KCP: variants seen among roughly 807,000 people sequenced by gnomAD.
KCP encodes the protein kielin/chordin-like protein.
A neutral mutation model predicts 212.7 loss-of-function variants in KCP; 194 were observed. That is an observed-to-expected ratio of 0.91 (90% CI 0.81 to 1.03). KCP has a LOEUF of 1.03. Ranked by LOEUF, KCP falls within the 50% of genes least tolerant of loss-of-function variation. KCP has a pLI of 0.00. For synonymous variants in KCP, 833 were observed against 865.3 expected (o/e 0.96, Z 0.65); for missense variants, 2,080 against 2,162.5 (o/e 0.96, Z 0.76).
chr7:128,893,781 C>T (rs762558463), intron 11 of KCP, 25 bp downstream of exon 11: 36 of 1,545,830 alleles, frequency 2.3e-5, no homozygotes, highest in South Asian at 2.1e-4. Flanking sequence ...CTGCCCCTCC[C>T]GCAGAGACCC....
intron 14 of KCP, 35 bp from the exon 15 acceptor site, chr7:128,892,829 A>G (rs1359689367): frequency 6.4e-7 from 1 of 1,551,408 alleles, no homozygotes; most frequent in Non-Finnish European, 8.7e-7. Context: ...TGAGCTGGGT[A>G]ATGCAGGGGA....
At chr7:128,903,863 G>A (rs1457601183) in intron 6 of KCP, 43 bp from the exon 7 acceptor site, 11 of 660,580 alleles carry the variant, frequency 1.7e-5, no homozygotes, top group East Asian at 4.5e-5. Flanking sequence ...TCTGGCTCCC[G>A]CAGAGGGCTG....
At chr7:128,888,615 C>A (rs887538945) in intron 22 of KCP, among the ~76,000 whole-genome samples, 1 of 142,426 alleles carries the variant, frequency 7.0e-6, no homozygotes, top group Admixed American at 7.0e-5. Context: ...CACAGCCAGA[C>A]ACACACACAC....
chr7:128,887,311 G>A lies in KCP; in HGVS notation c.2513-11C>T, dbSNP rs113766394. The A allele has an allele frequency of 6.2e-3, 9,584 of 1,549,226 alleles. 161 individuals carry two copies. Among genetic ancestry groups the A allele is most frequent in the African/African-American group, 0.055 (3,981 of 73,018 alleles). On this transcript the variant is annotated splice_polypyrimidine_tract_variant and intron_variant, in intron 22 of 39. Coordinates refer to ENST00000610776, the MANE Select transcript of KCP (RefSeq NM_001366122.1). ...CATGGTAGCGGCATCCTGGCAGAGCGGGGAGTCCAACAGAAGAGCTGCCAT... is the reference window on the plus strand; with the variant it reads ...CATGGTAGCGGCATCCTGGCAGAGCAGGGAGTCCAACAGAAGAGCTGCCAT...
At position 128,902,689 on chromosome 7, in the gene KCP, C is replaced by G. The variant is rs1419748445; in HGVS notation, c.831+88G>C. On this transcript the variant is annotated intron_variant, in intron 8 of 39. Coordinates refer to ENST00000610776, the MANE Select transcript of KCP (RefSeq NM_001366122.1). ...TCCACTGGGTCCCCTCTCAACACCT[C>G]TGCGAAGTACTCCATAGAATGAGCA... The G allele has an allele frequency of 7.2e-6, 9 of 1,246,160 alleles. No individual in the cohort carries two copies. The East Asian group carries it at 2.3e-4, about 32-fold the overall frequency. The allele number at this position is 1,246,160 out of a possible 1,614,324, so 77.2% of individuals were successfully genotyped here. A position where few individuals can be genotyped will look rare whatever the true frequency, so the allele number is the denominator to read the frequency against.
Position 128,882,029 on chromosome 7 carries a change from G to T in KCP, c.3245-13C>A. 6.5e-7 allele frequency: 1 copy of T among 1,547,346 alleles called. No individual in the cohort carries two copies. Among genetic ancestry groups the T allele is most frequent in the Non-Finnish European group, 8.7e-7 (1 of 1,143,592 alleles). On this transcript the variant is annotated splice_polypyrimidine_tract_variant and intron_variant, in intron 29 of 39. Transcript: ENST00000610776. ...TTACTCAAGGCCTCTGTGAAGACAA[G>T]AATCCAGAGTGCGGGACAGAAAGAG...
Position 128,910,597 on chromosome 7 carries a change from T to C in KCP, c.76+4A>G. ...GACCCCAAGCCTCCCGCACCTGGAC[T>C]CACCTTCCGCGCCCGCGGCCAGCGC... On this transcript the variant is annotated splice_donor_region_variant and intron_variant, in intron 1 of 39. Coordinates refer to ENST00000610776, the MANE Select transcript of KCP (RefSeq NM_001366122.1). 6.6e-7 allele frequency: 1 copy of C among 1,514,550 alleles called. No individual in the cohort carries two copies. The highest frequency in any genetic ancestry group is 8.8e-7 in the Non-Finnish European group (1 of 1,138,568). The allele number at this position is 1,514,550 out of a possible 1,614,324, so 93.8% of individuals were successfully genotyped here.
rs10565205 is a variant in KCP, at chr7:128,908,251, G to GAAAGAAAGAAAGAAAGA, written c.219+174_219+175insTCTTTCTTTCTTTCTTT. 3.6e-4 allele frequency among the ~76,000 whole-genome samples: 36 copies of GAAAGAAAGAAAGAAAGA among 101,272 alleles called. 1 individual carries two copies. Among genetic ancestry groups the GAAAGAAAGAAAGAAAGA allele is most frequent in the Non-Finnish European group, 4.9e-4 (25 of 50,552 alleles). The allele number at this position is 101,272 out of a possible 152,430, so 66.4% of individuals were successfully genotyped here. On this transcript the variant is annotated intron_variant, in intron 2 of 39. Coordinates refer to ENST00000610776, the MANE Select transcript of KCP (RefSeq NM_001366122.1). ...AGGAAAGAAGAAAGGAAGAAAGAAA[G>GAAAGAAAGAAAGAAAGA]AAGAAAGAAAGAAAGAAAGAAAGAA...
intron 8 of KCP, among the ~76,000 whole-genome samples, chr7:128,901,631 A>T (rs1370578891): frequency 3.9e-5 from 6 of 152,148 alleles, no homozygotes; most frequent in Admixed American, 1.3e-4. Flanking sequence ...GCCTCAAAAA[A>T]AAAAAACACA....
At position 128,884,759 on chromosome 7, in the gene KCP, C is replaced by T; in HGVS notation, c.3123+22G>A. On this transcript the variant is annotated intron_variant, in intron 28 of 39. Coordinates refer to ENST00000610776, the MANE Select transcript of KCP (RefSeq NM_001366122.1). Reference sequence around the variant, plus strand: ...TCCCCCCCGACGAGGTGCCCCAGCCCCACCACTGTGCCCTCACCTACCTCG... The same window carrying T: ...TCCCCCCCGACGAGGTGCCCCAGCCTCACCACTGTGCCCTCACCTACCTCG... 1.9e-6 allele frequency: 3 copies of T among 1,550,172 alleles called. No individual in the cohort carries two copies. In the Admixed American group the frequency reaches 5.9e-5, roughly 30 times the overall value.
chr7:128,903,738 G>C lies in KCP; in HGVS notation c.737C>G (p.Pro246Arg). 6.5e-7 allele frequency: 1 copy of C among 1,550,032 alleles called. No homozygotes were observed. Among genetic ancestry groups the C allele is most frequent in the African/African-American group, 1.4e-5 (1 of 73,152 alleles). ...CCAGGGGCTCTCACCTTGGCAGGTT[G>C]GGCAGCAGTGCCCAGGCCTCAGCAC... ...EPVLRPGHCC[P>R]TCQGCTEGGS... The change falls in exon 7 of 40, where the codon CCA (proline) becomes CGA (arginine). Residue 246 changes from proline to arginine, a missense_variant. Coordinates refer to ENST00000610776, the MANE Select transcript of KCP (RefSeq NM_001366122.1).
rs778432993 is a variant in KCP, at chr7:128,892,979, C to G, written c.1310G>C (p.Trp437Ser). The change falls in exon 14 of 40, where the codon TGG becomes TCG. Residue 437 changes from tryptophan (W) to serine (S), a missense_variant. Trp to Ser is a radical substitution (Grantham distance 177). Coordinates refer to ENST00000610776, the MANE Select transcript of KCP (RefSeq NM_001366122.1). ...DGEEFAEGVQ[W>S]EPDGRPCTAC... ...GGTGCAGGGCCGACCATCAGGCTCCCACTGGACTCCCTCAGCAAACTCCTC... is the reference window on the plus strand; with the variant it reads ...GGTGCAGGGCCGACCATCAGGCTCCGACTGGACTCCCTCAGCAAACTCCTC... 5.3e-6 allele frequency: 6 copies of G among 1,129,662 alleles called. No homozygotes were observed. The South Asian group carries it at 7.9e-5, about 15-fold the overall frequency. 70.0% of individuals were successfully genotyped at this position (1,129,662 alleles called of 1,614,324 possible). A position where few individuals can be genotyped will look rare whatever the true frequency, so the allele number is the denominator to read the frequency against.
At chr7:128,884,225 C>A in intron 28 of KCP, 103 bp from the exon 29 acceptor site, 1 of 1,400,776 alleles carries the variant, frequency 7.1e-7, no homozygotes, top group Non-Finnish European at 9.5e-7. Flanking sequence ...CAGCCTCTTC[C>A]GGGACATGTC....
At chr7:128,888,051 ACATCC>A (rs1793805440) in intron 22 of KCP, among the ~76,000 whole-genome samples, 2 of 143,176 alleles carry the variant, frequency 1.4e-5, no homozygotes, top group African/African-American at 5.1e-5. Flanking sequence ...ACACACACAC[ACATCC>A]CACATACACA....
intron 24 of KCP, 24 bp from the exon 25 acceptor site, chr7:128,886,761 T>TG: frequency 7.1e-6 from 11 of 1,547,432 alleles, no homozygotes; most frequent in South Asian, 1.2e-5. Flanking sequence ...ACCTCCTGGG[T>TG]GGGGGGCCTG....
chr7:128,879,884 T>A (rs1195529591), intron 35 of KCP, 29 bp downstream of exon 35: 1 of 1,550,972 alleles, frequency 6.4e-7, no homozygotes, highest in Non-Finnish European at 8.7e-7. Context: ...GTGTAGGGGT[T>A]GGGGAGAAGA....
At chr7:128,907,493 T>G in intron 2 of KCP, 40 bp from the exon 3 acceptor site, 1 of 1,346,470 alleles carries the variant, frequency 7.4e-7, no homozygotes, top group Non-Finnish European at 9.8e-7. Context: ...TGGCTCAGCT[T>G]CCCCCACCAT....
chr7:128,908,943 C>G (rs1795294332), intron 1 of KCP, among the ~76,000 whole-genome samples: 1 of 149,264 alleles, frequency 6.7e-6, no homozygotes, highest in Non-Finnish European at 1.5e-5. Context: ...AGGCTTGTGA[C>G]AGGGGTTCCT....
intron 5 of KCP, among the ~76,000 whole-genome samples, chr7:128,905,131 T>G (rs2128950321): frequency 6.6e-6 from 1 of 152,150 alleles, no homozygotes; most frequent in East Asian, 1.9e-4. Flanking sequence ...GTCTGAGTCC[T>G]TGTCCCACCT....
Sources: allele counts gnomAD v4.1 joint callset (sites outside exome capture counted in the v4.1 genomes callset), GRCh38; gene constraint gnomAD v4.1.1; transcripts MANE v1.5; gene names NCBI Gene and HGNC (gene_info 2026-07-23, HGNC 2026-07-21).